TFEC: variants seen among roughly 807,000 people sequenced by gnomAD.
TFEC encodes transcription factor EC.
TFEC carries 31 observed loss-of-function variants against 41.6 expected under a neutral mutation model. That is an observed-to-expected ratio of 0.74 (90% CI 0.56 to 1.01). TFEC has a LOEUF of 1.01. Ranked by LOEUF, TFEC falls within the 50% of genes least tolerant of loss-of-function variation. The probability of loss-of-function intolerance (pLI) is 0.00; values close to 1 mark genes in which losing one functional copy is unlikely to be tolerated. For missense variants in TFEC, 402 were observed against 404.1 expected (o/e 0.99, Z 0.04); for synonymous variants, 143 against 140.6 (o/e 1.02, Z -0.12).
At chr7:116,083,673 A>C (rs577901523) in intron 3 of TFEC, among the ~76,000 whole-genome samples, 30 of 152,114 alleles carry the variant, frequency 2.0e-4, no homozygotes, top group African/African-American at 6.7e-4. Context: ...CAAATGGGAA[A>C]TATACATACC....
chr7:116,076,010 C>T (rs1796951546), intron 3 of TFEC, among the ~76,000 whole-genome samples: 2 of 152,192 alleles, frequency 1.3e-5, no homozygotes, highest in African/African-American at 4.8e-5. Context: ...AGGACCCTCA[C>T]AGAGTCCACT....
intron 1 of TFEC, among the ~76,000 whole-genome samples, chr7:116,136,926 A>T (rs1423852253): frequency 1.3e-5 from 2 of 152,092 alleles, no homozygotes; most frequent in African/African-American, 4.8e-5. Context: ...CCCTTTCACT[A>T]TTCCAAATCT....
intron 3 of TFEC, among the ~76,000 whole-genome samples, chr7:115,972,138 T>G (rs985120187): frequency 1.3e-5 from 2 of 152,096 alleles, no homozygotes; most frequent in East Asian, 1.9e-4. Flanking sequence ...CTTAACTTGC[T>G]ACTTTTCTGC....
chr7:116,141,657 T>G (rs1007757531), intron 1 of TFEC, among the ~76,000 whole-genome samples: 1 of 152,230 alleles, frequency 6.6e-6, no homozygotes, highest in Non-Finnish European at 1.5e-5. Context: ...TATTATTTGC[T>G]GAAGCAGGGG....
chr7:116,129,171 T>C (rs1443096645), intron 1 of TFEC, among the ~76,000 whole-genome samples: 1 of 152,244 alleles, frequency 6.6e-6, no homozygotes, highest in Non-Finnish European at 1.5e-5. Flanking sequence ...TTTATTTATT[T>C]AATTTATTTT....
rs563136611 is a variant in TFEC, at chr7:116,013,767, A to G, written c.-73+16866T>C. ...ATGTGTTCTATATAAACAAACAAAT[A>G]TGAATCAACTGACCTCACTTTCTGG... On this transcript the variant is annotated intron_variant, in intron 1 of 7. Transcript: ENST00000265440. 1.1e-4 allele frequency among the ~76,000 whole-genome samples: 16 copies of G among 152,282 alleles called. No homozygotes were observed. In the South Asian group the frequency reaches 2.9e-3, roughly 28 times the overall value.
chr7:116,067,208 T>C (rs2131009864), intron 3 of TFEC, among the ~76,000 whole-genome samples: 1 of 152,074 alleles, frequency 6.6e-6, no homozygotes, highest in Non-Finnish European at 1.5e-5. Context: ...ATAAAAACTT[T>C]TTATCTTTCA....
At chr7:115,950,766 A>T (rs1406150876) in intron 6 of TFEC, 108 bp downstream of exon 6, 1 of 740,302 alleles carries the variant, frequency 1.4e-6, no homozygotes, top group East Asian at 2.8e-5. Flanking sequence ...TTTTTGCTAT[A>T]AGCTGCTTAG....
intron 3 of TFEC, among the ~76,000 whole-genome samples, chr7:116,092,892 C>G (rs534848620): frequency 6.6e-6 from 1 of 152,122 alleles, no homozygotes; most frequent in Non-Finnish European, 1.5e-5. Context: ...CTGACCATTA[C>G]TTTAGGACTA....
intron 3 of TFEC, among the ~76,000 whole-genome samples, chr7:115,963,249 A>G (rs772135901): frequency 7.9e-5 from 12 of 151,886 alleles, no homozygotes; most frequent in Non-Finnish European, 1.6e-4. Flanking sequence ...ATCACTAGTC[A>G]TTAGGAAAAT....
chr7:116,030,587 G>GT (rs1795755918), intron 1 of TFEC, 46 bp downstream of exon 1: 1 of 974,818 alleles, frequency 1.0e-6, no homozygotes. Context: ...TGTCTTCCTA[G>GT]TTTGTTTAAA....
intron 3 of TFEC, among the ~76,000 whole-genome samples, chr7:116,084,632 TATTTGATTATTATTAGA>T (rs1303607257): frequency 2.0e-5 from 3 of 147,612 alleles, no homozygotes; most frequent in African/African-American, 7.3e-5. Flanking sequence ...AAGTTTCTAA[TATTTGATTATTATTAGA>T]ATTCTGAAAT....
At chr7:116,151,114 T>C (rs1307808100) in intron 1 of TFEC, among the ~76,000 whole-genome samples, 1 of 152,098 alleles carries the variant, frequency 6.6e-6, no homozygotes, top group East Asian at 1.9e-4. Context: ...CAGTAGCATA[T>C]GAAAATAAAG....
At chr7:116,009,629 G>C (rs1313263401) in intron 1 of TFEC, among the ~76,000 whole-genome samples, 1 of 152,048 alleles carries the variant, frequency 6.6e-6, no homozygotes, top group Non-Finnish European at 1.5e-5. Context: ...GCAAACCCTT[G>C]AAGGTAAAAG....
chr7:116,078,502 A>G (rs1189988513), intron 3 of TFEC, among the ~76,000 whole-genome samples: 1 of 152,066 alleles, frequency 6.6e-6, no homozygotes, highest in Non-Finnish European at 1.5e-5. Flanking sequence ...AACAGGAGAT[A>G]TTACAACTGA....
intron 4 of TFEC, among the ~76,000 whole-genome samples, 157 bp downstream of exon 4, chr7:115,956,522 T>C (rs1792238609): frequency 6.6e-6 from 1 of 152,014 alleles, no homozygotes; most frequent in East Asian, 1.9e-4. Flanking sequence ...AACTTACTGC[T>C]TGATTATCAT....
chr7:116,064,037 C>A (rs966905527), intron 3 of TFEC, among the ~76,000 whole-genome samples: 5 of 151,988 alleles, frequency 3.3e-5, no homozygotes, highest in Non-Finnish European at 5.9e-5. Context: ...AAACTGAACT[C>A]AATAGAAGTA....
intron 3 of TFEC, chr7:115,968,142 T>C: frequency 6.6e-7 from 1 of 1,505,190 alleles, no homozygotes; most frequent in Non-Finnish European, 8.8e-7. Flanking sequence ...TAAGGTGGTT[T>C]CATCTCCAAA....
At chr7:115,958,075 G>A (rs772375754) in intron 3 of TFEC, among the ~76,000 whole-genome samples, 2 of 151,498 alleles carry the variant, frequency 1.3e-5, no homozygotes, top group African/African-American at 4.8e-5. Context: ...AACTCTATTA[G>A]GACTCTTCAC....
Sources: gnomAD v4.1 joint callset for allele counts (sites outside exome capture counted in the v4.1 genomes callset) on GRCh38, gnomAD v4.1.1 for gene constraint, MANE v1.5 for transcripts, NCBI Gene and HGNC (gene_info 2026-07-23, HGNC 2026-07-21) for gene names.